The following FRMD4B variants were observed in gnomAD, a reference collection of about 807,000 sequenced individuals.
The protein encoded by FRMD4B is FERM domain containing 4B.
Under a neutral mutation model 141.5 loss-of-function variants are expected in FRMD4B, and 74 were observed. That is an observed-to-expected ratio of 0.52 (90% confidence interval 0.43 to 0.63). The LOEUF (loss-of-function observed/expected upper bound fraction) is 0.63. FRMD4B is among the 30% of genes least tolerant of loss of function. FRMD4B has a pLI of 0.00. For missense variants in FRMD4B, 1,366 were observed against 1,253.4 expected, an observed-to-expected ratio of 1.09 and a Z score of -1.36; for synonymous variants, 506 against 467.9, an observed-to-expected ratio of 1.08 and a Z score of -1.05.
At chr3:69,405,431 G>A (rs922842586) in intron 2 of FRMD4B, among the ~76,000 whole-genome samples, 4 of 152,220 alleles carry the variant, frequency 2.6e-5, no homozygotes, top group Admixed American at 2.0e-4. Context: ...GGTTTGTGTA[G>A]TGACTGGCTT....
chr3:69,447,788 C>T (rs1175546407), intron 1 of FRMD4B, among the ~76,000 whole-genome samples: 1 of 152,190 alleles, frequency 6.6e-6, no homozygotes, highest in Non-Finnish European at 1.5e-5. Context: ...TGAATAGAAT[C>T]ACATAGTCTG....
chr3:69,259,243 C>T lies in FRMD4B; in HGVS notation c.502-9144G>A, dbSNP rs537131073. ...GTTCACAATAGGGTTTATGCCCCTA[C>T]GAGAATCTAATGCTGCTGCTGATCT... On this transcript the variant is annotated intron_variant, in intron 5 of 22. Transcript: ENST00000398540. Among the ~76,000 whole-genome samples the T allele has an allele frequency of 1.7e-4, 26 of 152,234 alleles. No individual in the cohort carries two copies. In the South Asian group the frequency reaches 5.2e-3, roughly 30 times the overall value.
intron 1 of FRMD4B, among the ~76,000 whole-genome samples, chr3:69,351,537 A>G (rs192129819): frequency 6.6e-6 from 1 of 152,336 alleles, no homozygotes; most frequent in African/African-American, 2.4e-5. Flanking sequence ...TTCTGCTAGC[A>G]ATTGGAAACC....
chr3:69,539,228 T>C lies in FRMD4B; in HGVS notation c.-129+2978A>G, dbSNP rs114913166. 1.4e-3 allele frequency among the ~76,000 whole-genome samples: 214 copies of C among 152,324 alleles called. 1 individual carries two copies. Among genetic ancestry groups the C allele is most frequent in the African/African-American group, 4.7e-3 (197 of 41,568 alleles). On this transcript the variant is annotated intron_variant, in intron 1 of 5. Coordinates refer to the FRMD4B transcript ENST00000459638. ...TGTTTTCCATGTACCCTATTTGTAT[T>C]GTAAGTTAGCCAAAACTTTCTTTTT...
chr3:69,541,833 C>T (rs369718791), intron 1 of FRMD4B, among the ~76,000 whole-genome samples: 1 of 147,652 alleles, frequency 6.8e-6, no homozygotes, highest in East Asian at 2.1e-4. Context: ...CTCTGGGGGC[C>T]AGATCTGGGC....
intron 1 of FRMD4B, among the ~76,000 whole-genome samples, chr3:69,354,445 T>C (rs1703254482): frequency 6.6e-6 from 1 of 152,210 alleles, no homozygotes; most frequent in Non-Finnish European, 1.5e-5. Context: ...AGGAGTATGG[T>C]ATGGTTAAGA....
chr3:69,420,424 G>A (rs1007958601), intron 2 of FRMD4B, among the ~76,000 whole-genome samples: 2 of 151,880 alleles, frequency 1.3e-5, no homozygotes, highest in Admixed American at 6.6e-5. Context: ...TACAAAGTAA[G>A]CGTTTTAACA....
chr3:69,528,865 G>A (rs1700972506), intron 1 of FRMD4B, among the ~76,000 whole-genome samples: 1 of 151,824 alleles, frequency 6.6e-6, no homozygotes, highest in Admixed American at 6.6e-5. Flanking sequence ...CACCATGGTG[G>A]AAACTCTGGG....
At chr3:69,358,998 T>C (rs1703399831) in intron 1 of FRMD4B, among the ~76,000 whole-genome samples, 1 of 152,140 alleles carries the variant, frequency 6.6e-6, no homozygotes. Flanking sequence ...TAAATCTGTT[T>C]TCTTTATAAA....
intron 7 of FRMD4B, among the ~76,000 whole-genome samples, chr3:69,232,309 G>C (rs1292997620): frequency 6.6e-6 from 1 of 152,166 alleles, no homozygotes; most frequent in Non-Finnish European, 1.5e-5. Context: ...GACCAAACCA[G>C]AAATTGCTTC....
At chr3:69,293,191 A>G (rs773632816) in intron 4 of FRMD4B, 4 of 268,446 alleles carry the variant, frequency 1.5e-5, no homozygotes, top group African/African-American at 4.6e-5. Flanking sequence ...GTCAAAGAGC[A>G]CAACACCCAG....
At chr3:69,495,190 A>G (rs536292251) in intron 1 of FRMD4B, among the ~76,000 whole-genome samples, 249 of 152,298 alleles carry the variant, frequency 1.6e-3, no homozygotes, top group African/African-American at 5.8e-3. Flanking sequence ...CTGAATGCCA[A>G]TTCCTGAGGG....
intron 4 of FRMD4B, among the ~76,000 whole-genome samples, chr3:69,298,969 T>C (rs1701121955): frequency 1.3e-5 from 2 of 151,872 alleles, no homozygotes; most frequent in South Asian, 4.2e-4. Flanking sequence ...CAGCATCTAG[T>C]ATAGGGCCAG....
At chr3:69,540,432 G>C (rs1575605636) in intron 1 of FRMD4B, among the ~76,000 whole-genome samples, 1 of 150,946 alleles carries the variant, frequency 6.6e-6, no homozygotes, top group South Asian at 2.1e-4. Flanking sequence ...GGCTAACGCT[G>C]TGAAGCCCCG....
rs755083405 is a variant in FRMD4B, at chr3:69,195,028, A to C, written c.1482T>G (p.Ser494Arg). ...TCAGAGGCGTTGTTCATACTTCTTC[A>C]CTCGGCAGCAAGTTGTCATCTAATT... is the stretch of plus-strand genomic sequence containing the variant. ...AFKLDDNLLP[S>R]EEDPALQELE... is the part of the protein sequence containing the mutation. The change falls in exon 16 of 23, where the codon AGT becomes AGG. Residue 494 changes from serine (S) to arginine (R), a missense_variant. Physicochemically the swap from Ser to Arg is moderately radical, Grantham distance 110. Coordinates refer to ENST00000398540, the MANE Select transcript of FRMD4B (RefSeq NM_015123.3). The C allele has an allele frequency of 9.3e-6, 15 of 1,613,474 alleles. 1 individual carries two copies. The Admixed American group carries it at 2.0e-4, about 22-fold the overall frequency.
At chr3:69,504,557 G>A (rs1463453680) in intron 1 of FRMD4B, among the ~76,000 whole-genome samples, 1 of 152,124 alleles carries the variant, frequency 6.6e-6, no homozygotes, top group African/African-American at 2.4e-5. Flanking sequence ...CATATAAATG[G>A]GATCACAAAA....
intron 11 of FRMD4B, among the ~76,000 whole-genome samples, chr3:69,207,580 C>T (rs912033835): frequency 3.3e-5 from 5 of 151,976 alleles, no homozygotes; most frequent in African/African-American, 7.2e-5. Flanking sequence ...GAGGCCGAGG[C>T]GGGTGGATCA....
At chr3:69,397,496 G>A (rs573912816) in intron 2 of FRMD4B, among the ~76,000 whole-genome samples, 3 of 152,116 alleles carry the variant, frequency 2.0e-5, no homozygotes, top group African/African-American at 2.4e-5. Context: ...AAAATCAATC[G>A]ATTAATAATG....
chr3:69,439,617 C>T (rs1048443749), intron 1 of FRMD4B, among the ~76,000 whole-genome samples: 4 of 152,212 alleles, frequency 2.6e-5, no homozygotes, highest in East Asian at 1.9e-4. Flanking sequence ...ATTTCTGTCC[C>T]GAAGTAGAAT....
Sources: allele counts gnomAD v4.1 joint callset (sites outside exome capture counted in the v4.1 genomes callset), GRCh38; gene constraint gnomAD v4.1.1; transcripts MANE v1.5; gene names NCBI Gene and HGNC (gene_info 2026-07-23, HGNC 2026-07-21).